NLRP1: variants seen among roughly 807,000 people sequenced by gnomAD.
NLRP1 encodes the protein NLR family pyrin domain containing 1, also known as NACHT, LRR and PYD domains-containing protein 1.
In NLRP1, 94 loss-of-function variants were observed where a neutral mutation model predicts 136.7. The ratio of observed to expected loss-of-function variants is 0.69; its 90% confidence interval spans 0.58 to 0.82. NLRP1 has a LOEUF of 0.82. Among genes scored for constraint, NLRP1 ranks in the 40% least tolerant of loss-of-function variants. NLRP1 has a pLI of 0.00. For missense variants in NLRP1, 1,575 were observed against 1,802.7 expected (o/e 0.87, Z 2.29); for synonymous variants, 690 against 725.1 (o/e 0.95, Z 0.78).
chr17:5,517,612 T>C, intron 15 of NLRP1, 134 bp downstream of exon 15: 1 of 1,003,890 alleles, frequency 1.0e-6, no homozygotes, highest in Admixed American at 2.1e-5. Context: ...GGTCTTGAAC[T>C]CCTGACCTTG....
chr17:5,545,589 T>A (rs1227727401), intron 5 of NLRP1, among the ~76,000 whole-genome samples: 2 of 152,124 alleles, frequency 1.3e-5, no homozygotes, highest in Non-Finnish European at 2.9e-5. Flanking sequence ...TGTGGCATTG[T>A]AGAGCACTTG....
chr17:5,537,028 T>A lies in NLRP1; in HGVS notation c.2871-88A>T. 1.1e-6 allele frequency: 1 copy of A among 922,912 alleles called. No individual in the cohort carries two copies. Among genetic ancestry groups the A allele is most frequent in the Non-Finnish European group, 1.8e-6 (1 of 565,054 alleles). The allele number at this position is 922,912 out of a possible 1,614,324, so 57.2% of individuals were successfully genotyped here. ...GCCCAGAATCCTGGGACCTGTCACC[T>A]TCTGAGGCAGCGGCCGCAGGGTGGG... is the stretch of plus-strand genomic sequence containing the variant. On this transcript the variant is annotated intron_variant, in intron 7 of 16. Transcript: ENST00000572272. The surrounding 1 kb of genome is among the most constrained non-coding windows in gnomAD (Gnocchi z 4.5).
downstream of NLRP1, among the ~76,000 whole-genome samples, chr17:5,509,382 G>A (rs1907511442): frequency 2.0e-5 from 3 of 152,164 alleles, no homozygotes; most frequent in South Asian, 4.1e-4. Flanking sequence ...GGACCAGAGT[G>A]TGTGCATGGC....
chr17:5,565,978 T>G (rs368026406), intron 3 of NLRP1, among the ~76,000 whole-genome samples: 1 of 152,206 alleles, frequency 6.6e-6, no homozygotes, highest in Non-Finnish European at 1.5e-5. Context: ...TAATTGCTCA[T>G]AGCAGCCACT....
chr17:5,575,474 C>T (rs1904918159), intron 3 of NLRP1, among the ~76,000 whole-genome samples: 1 of 152,218 alleles, frequency 6.6e-6, no homozygotes, highest in Non-Finnish European at 1.5e-5. Flanking sequence ...GGTTGCAATC[C>T]TAGTCTCTGA....
At chr17:5,544,499 G>A (rs1376292230) in intron 5 of NLRP1, among the ~76,000 whole-genome samples, 2 of 152,238 alleles carry the variant, frequency 1.3e-5, no homozygotes, top group Non-Finnish European at 2.9e-5. Flanking sequence ...TGACTTGTGG[G>A]AGAGGCACCC....
chr17:5,533,551 G>GTTTT (rs35006823), intron 9 of NLRP1, among the ~76,000 whole-genome samples, 167 bp from the exon 10 acceptor site: 3 of 90,030 alleles, frequency 3.3e-5, no homozygotes, highest in Non-Finnish European at 6.4e-5. Context: ...GTGAGACTCT[G>GTTTT]TTTTTTTTTT....
In NLRP1 at chr17:5,559,862, G is replaced by A. The variant is rs369457449; in HGVS notation, c.834C>T (p.Phe278=). 1 of 1,614,100 alleles carries A rather than the reference G, an allele frequency of 6.2e-7. No homozygotes were observed. Among genetic ancestry groups the A allele is most frequent in the African/African-American group, 1.3e-5 (1 of 74,950 alleles). ...PWKNEDFNQK[F]TQLLLLQRPH... ...GTCTTTGTAGAAGTAGCAGCTGTGT[G>A]AATTTTTGGTTAAAATCCTCATTTT... The change falls in exon 4 of 17, where the codon TTC becomes TTT. Residue 278 remains phenylalanine, a synonymous_variant. Transcript: ENST00000572272.
At chr17:5,578,132 T>C (rs1295084500) in intron 3 of NLRP1, among the ~76,000 whole-genome samples, 25 of 152,200 alleles carry the variant, frequency 1.6e-4, no homozygotes, top group Admixed American at 5.2e-4. Flanking sequence ...AAGACTTAAA[T>C]GTCAGACCTA....
At chr17:5,575,521 C>T (rs139446203) in intron 3 of NLRP1, among the ~76,000 whole-genome samples, 2,707 of 152,152 alleles carry the variant, frequency 0.018, 75 homozygotes, top group African/African-American at 0.062. Flanking sequence ...CTAAAAGAGA[C>T]AAAGAAGGCC....
intron 3 of NLRP1, among the ~76,000 whole-genome samples, chr17:5,564,483 A>G (rs902299898): frequency 6.6e-6 from 1 of 152,174 alleles, no homozygotes. Context: ...CTTATTTCAC[A>G]TAACGTAATC....
intron 12 of NLRP1, among the ~76,000 whole-genome samples, chr17:5,524,726 C>T (rs1909316891): frequency 6.6e-6 from 1 of 152,238 alleles, no homozygotes; most frequent in Non-Finnish European, 1.5e-5. Context: ...AGCCATGGTC[C>T]TAGGACCAGA....
chr17:5,516,479 G>A lies in NLRP1; in HGVS notation c.4058-962C>T, dbSNP rs570146273. ...AATGGCTTTTTAGATTTAAGGGGAA[G>A]GAGATAGACTTTTTCTATGAGTTCC... is the stretch of plus-strand genomic sequence containing the variant. On this transcript the variant is annotated intron_variant, in intron 15 of 16. Transcript: ENST00000572272. Among the ~76,000 whole-genome samples, 4 of 152,306 alleles carry A rather than the reference G, an allele frequency of 2.6e-5. No individual in the cohort carries two copies. The South Asian group carries it at 8.3e-4, about 32-fold the overall frequency.
chr17:5,565,913 T>C (rs1915281515), intron 3 of NLRP1, among the ~76,000 whole-genome samples: 1 of 152,236 alleles, frequency 6.6e-6, no homozygotes, highest in African/African-American at 2.4e-5. Flanking sequence ...CTTGGTAGGC[T>C]GTATGTATCT....
intron 3 of NLRP1, among the ~76,000 whole-genome samples, chr17:5,574,678 T>C (rs1224861840): frequency 6.7e-6 from 1 of 149,274 alleles, no homozygotes; most frequent in Non-Finnish European, 1.5e-5. Flanking sequence ...TTTTTTTTTT[T>C]TGAGATGGAG....
At position 5,582,070 on chromosome 17, in the gene NLRP1, G is replaced by A. The variant is rs200054897; in HGVS notation, c.449-8C>T. On this transcript the variant is annotated splice_region_variant and splice_polypyrimidine_tract_variant and intron_variant, in intron 2 of 16. Coordinates refer to ENST00000572272, the MANE Select transcript of NLRP1 (RefSeq NM_033004.4). ...GGAGTGAGGCAGAGATTTCTGGGGGGAATGAAAAGAAAAATAACCATTTAC... is the reference window on the plus strand; with the variant it reads ...GGAGTGAGGCAGAGATTTCTGGGGGAAATGAAAAGAAAAATAACCATTTAC... 2.8e-5 allele frequency: 45 copies of A among 1,599,034 alleles called. No homozygotes were observed. Among genetic ancestry groups the A allele is most frequent in the Non-Finnish European group, 3.8e-5 (44 of 1,169,806 alleles).
At chr17:5,516,407 T>C (rs1235238374) in intron 15 of NLRP1, among the ~76,000 whole-genome samples, 1 of 152,172 alleles carries the variant, frequency 6.6e-6, no homozygotes, top group Non-Finnish European at 1.5e-5. Context: ...CTAACTTGCA[T>C]AACAAGAGTC....
intron 5 of NLRP1, among the ~76,000 whole-genome samples, chr17:5,546,863 C>A (rs1912725103): frequency 2.0e-5 from 3 of 152,214 alleles, no homozygotes; most frequent in South Asian, 4.1e-4. Flanking sequence ...GCTGTACACT[C>A]TTCCATATGG....
intron 15 of NLRP1, among the ~76,000 whole-genome samples, chr17:5,508,745 C>CA (rs1006513156): frequency 1.3e-5 from 2 of 151,708 alleles, no homozygotes; most frequent in Admixed American, 6.6e-5. Context: ...AAATCAAAGT[C>CA]AAAAAAACAA....
Sources: allele counts gnomAD v4.1 joint callset (sites outside exome capture counted in the v4.1 genomes callset), GRCh38; gene constraint gnomAD v4.1.1; non-coding constraint Gnocchi (gnomAD v3.1); transcripts MANE v1.5; gene names NCBI Gene and HGNC (gene_info 2026-07-23, HGNC 2026-07-21).